Variants in TOR1AIP1 observed in about 807,000 individuals in gnomAD.
The protein encoded by TOR1AIP1 is torsin 1A interacting protein 1, also known as torsin-1A-interacting protein 1.
In TOR1AIP1, 54 loss-of-function variants were observed where a neutral mutation model predicts 63.3. The observed-to-expected ratio is 0.85, with a 90% CI of 0.69 to 1.07. The LOEUF (loss-of-function observed/expected upper bound fraction) is 1.07. Among genes scored for constraint, TOR1AIP1 ranks in the 50% least tolerant of loss-of-function variants. TOR1AIP1 has a pLI of 0.00. For missense variants in TOR1AIP1, 736 were observed against 715.0 expected, an observed-to-expected ratio of 1.03 and a Z score of -0.33; for synonymous variants, 294 against 273.5, an observed-to-expected ratio of 1.07 and a Z score of -0.74.
At chr1:179,904,233 C>A (rs990784315) in intron 6 of TOR1AIP1, among the ~76,000 whole-genome samples, 2 of 152,136 alleles carry the variant, frequency 1.3e-5, no homozygotes, top group East Asian at 3.8e-4. Context: ...ACTTAAAAAA[C>A]AAACAAAAAA....
chr1:179,918,036 G>C lies in TOR1AIP1; in HGVS notation c.1549G>C (p.Glu517Gln). ...ALVLTVLLEE[E>Q]TLGTSLGLKE... ...AGTCCTGACTGTCTTATTGGAGGAA[G>C]AGACACTTGGAACAAGTCTAGGCCT... is the stretch of plus-strand genomic sequence containing the variant. The change falls in exon 10 of 10, where the codon GAG becomes CAG. Residue 517 changes from glutamate (E) to glutamine (Q), a missense_variant. Physicochemically the swap from Glu to Gln is conservative, Grantham distance 29. This residue lies in a region of TOR1AIP1 where 272 missense variants were observed against 344.1 expected (regional missense o/e 0.79). Coordinates refer to ENST00000606911, the MANE Select transcript of TOR1AIP1 (RefSeq NM_015602.4). 1 of 1,614,256 alleles carries C rather than the reference G, an allele frequency of 6.2e-7. No individual in the cohort carries two copies.
chr1:179,895,630 T>G (rs904401749), intron 3 of TOR1AIP1, among the ~76,000 whole-genome samples: 4 of 151,844 alleles, frequency 2.6e-5, no homozygotes, highest in African/African-American at 9.7e-5. Flanking sequence ...CCGGGCACGG[T>G]GTCTCACACC....
chr1:179,883,153 G>A (rs1477954761), intron 1 of TOR1AIP1, 176 bp downstream of exon 1: 1 of 655,130 alleles, frequency 1.5e-6, no homozygotes, highest in Non-Finnish European at 2.6e-6. Flanking sequence ...GACCCGCAGC[G>A]GGGAAGGAAG....
chr1:179,908,162 C>T lies in TOR1AIP1; in HGVS notation c.838+298C>T, dbSNP rs1422305097. On this transcript the variant is annotated intron_variant, in intron 7 of 9. Coordinates refer to ENST00000606911, the MANE Select transcript of TOR1AIP1 (RefSeq NM_015602.4). ...TGACCTCATGATCCACCTGCCTCGG[C>T]CTCCCAAAGTGCTGGAATTACAGGT... Among the ~76,000 whole-genome samples the T allele has an allele frequency of 2.0e-5, 3 of 152,088 alleles. No individual in the cohort carries two copies. In the East Asian group the frequency reaches 5.8e-4, roughly 29 times the overall value.
intron 3 of TOR1AIP1, among the ~76,000 whole-genome samples, chr1:179,890,987 A>G (rs1648058393): frequency 1.3e-5 from 2 of 152,198 alleles, no homozygotes; most frequent in African/African-American, 4.8e-5. Flanking sequence ...ATATATATCT[A>G]GTCATTGGCT....
At chr1:179,887,967 A>G (rs1370602055) in intron 2 of TOR1AIP1, 1 of 152,174 alleles carries the variant, frequency 6.6e-6, no homozygotes, top group Non-Finnish European at 1.5e-5. Context: ...AGGGTACTTG[A>G]TATTTTGTTC....
At chr1:179,900,340 C>CTGGGCTGTCTG (rs1463171817) in intron 4 of TOR1AIP1, 173 bp downstream of exon 4, 5 of 471,260 alleles carry the variant, frequency 1.1e-5, no homozygotes, top group Non-Finnish European at 1.6e-5. Context: ...TCCAGGAGTT[C>CTGGGCTGTCTG]TGGGCTGTCT....
At chr1:179,902,230 T>A (rs1233475196) in intron 5 of TOR1AIP1, among the ~76,000 whole-genome samples, 1 of 151,888 alleles carries the variant, frequency 6.6e-6, no homozygotes, top group Non-Finnish European at 1.5e-5. Context: ...TTCACCATGT[T>A]GGCCAGGCTG....
In TOR1AIP1 at chr1:179,915,733, G is replaced by T. The variant is rs965420868; in HGVS notation, c.964+1679G>T. ...AGATCGCACCACTTCATGTCATCCTGGGCCACAGAGCGAGACTCCATCTCA... is the reference window on the plus strand; with the variant it reads ...AGATCGCACCACTTCATGTCATCCTTGGCCACAGAGCGAGACTCCATCTCA... On this transcript the variant is annotated intron_variant, in intron 9 of 9. Coordinates refer to ENST00000606911, the MANE Select transcript of TOR1AIP1 (RefSeq NM_015602.4). 7.2e-5 allele frequency among the ~76,000 whole-genome samples: 11 copies of T among 152,220 alleles called. No individual in the cohort carries two copies. In the South Asian group the frequency reaches 1.5e-3, roughly 20 times the overall value.
chr1:179,918,385 C>G lies in TOR1AIP1; in HGVS notation c.*146C>G. On this transcript the variant is annotated 3_prime_UTR_variant, in exon 10 of 10. Transcript: ENST00000606911. ...TTACATAAACATGGAACATATAAATCATTCATTCAACCTAATTATCTGTGA... is the reference window on the plus strand; with the variant it reads ...TTACATAAACATGGAACATATAAATGATTCATTCAACCTAATTATCTGTGA... 1.4e-6 allele frequency: 1 copy of G among 726,022 alleles called. No individual in the cohort carries two copies. Among genetic ancestry groups the G allele is most frequent in the Non-Finnish European group, 2.2e-6 (1 of 456,176 alleles). The allele number at this position is 726,022 out of a possible 1,614,324, so 45.0% of individuals were successfully genotyped here.
intron 8 of TOR1AIP1, among the ~76,000 whole-genome samples, chr1:179,912,002 C>G: frequency 7.8e-6 from 1 of 128,004 alleles, no homozygotes; most frequent in East Asian, 2.2e-4. Flanking sequence ...TTTCTTTTTT[C>G]TTTTTTTTCT....
chr1:179,917,954 T>C lies in TOR1AIP1; in HGVS notation c.1467T>C (p.Thr489=), dbSNP rs757954849. The C allele has an allele frequency of 1.5e-5, 25 of 1,614,128 alleles. No homozygotes were observed. Among genetic ancestry groups the C allele is most frequent in the Non-Finnish European group, 5.9e-6 (7 of 1,180,056 alleles). Residue 489 remains threonine (T), a synonymous_variant, in exon 10 of 10, where the codon ACT becomes ACC. Coordinates refer to ENST00000606911, the MANE Select transcript of TOR1AIP1 (RefSeq NM_015602.4). ...HRFESFPAGS[T]LIFYKYCDHE... ...TTGAGTCATTTCCCGCAGGCTCTAC[T>C]TTGATCTTCTACAAATATTGTGACC...
At chr1:179,907,051 T>C (rs1648659764) in intron 6 of TOR1AIP1, among the ~76,000 whole-genome samples, 1 of 151,568 alleles carries the variant, frequency 6.6e-6, no homozygotes, top group Admixed American at 6.6e-5. Context: ...TTCCCTTATT[T>C]ATAAAATACG....
In TOR1AIP1 at chr1:179,918,660, T is replaced by C. The variant is rs1362574610; in HGVS notation, c.*421T>C. The C allele has an allele frequency of 1.2e-5, 2 of 164,952 alleles. No homozygotes were observed. Among genetic ancestry groups the C allele is most frequent in the Non-Finnish European group, 2.6e-5 (2 of 75,806 alleles). 10.2% of individuals were successfully genotyped at this position (164,952 alleles called of 1,614,324 possible). ...AATGTAACCAGGGATTTTCCCATTA[T>C]GTTCCCTTTTATACCATTTAGGTGT... is the stretch of plus-strand genomic sequence containing the variant. On this transcript the variant is annotated 3_prime_UTR_variant, in exon 10 of 10. Transcript: ENST00000606911.
At chr1:179,912,639 G>T (rs1394859185) in intron 8 of TOR1AIP1, among the ~76,000 whole-genome samples, 1 of 152,044 alleles carries the variant, frequency 6.6e-6, no homozygotes, top group Non-Finnish European at 1.5e-5. Flanking sequence ...ATGTGGTTAG[G>T]TATTTTTATT....
Position 179,918,352 on chromosome 1 carries a change from T to C in TOR1AIP1, c.*113T>C. 1 of 954,256 alleles carries C rather than the reference T, an allele frequency of 1.0e-6. No individual in the cohort carries two copies. Among genetic ancestry groups the C allele is most frequent in the Non-Finnish European group, 1.5e-6 (1 of 659,638 alleles). The allele number at this position is 954,256 out of a possible 1,614,324, so 59.1% of individuals were successfully genotyped here. On this transcript the variant is annotated 3_prime_UTR_variant, in exon 10 of 10. Coordinates refer to ENST00000606911, the MANE Select transcript of TOR1AIP1 (RefSeq NM_015602.4). Reference sequence around the variant, plus strand: ...AAGAACTAGTTTCTTTTTAAAGAAGTTAAGTGCTTACATAAACATGGAACA... The same window carrying C: ...AAGAACTAGTTTCTTTTTAAAGAAGCTAAGTGCTTACATAAACATGGAACA...
chr1:179,890,307 G>A (rs1265903538), intron 3 of TOR1AIP1, among the ~76,000 whole-genome samples: 3 of 151,976 alleles, frequency 2.0e-5, no homozygotes, highest in Admixed American at 2.0e-4. Flanking sequence ...GGCTCTTAAA[G>A]ATGCTTTATC....
rs1440466625 is a variant in TOR1AIP1 at position 179,882,680 on chromosome 1, T to C, written c.178T>C (p.Ser60Pro). Reference sequence around the variant, plus strand: ...CCAGGGCCGGCGGGAAGTGAGGTTCTCGGACGAGCCGCCAGAAGTGTACGG... The same window carrying C: ...CCAGGGCCGGCGGGAAGTGAGGTTCCCGGACGAGCCGCCAGAAGTGTACGG... ...SRQGRREVRF[S>P]DEPPEVYGDF... Residue 60 changes from serine to proline, a missense_variant, in exon 1 of 10, where the codon TCG becomes CCG. Coordinates refer to ENST00000606911, the MANE Select transcript of TOR1AIP1 (RefSeq NM_015602.4). The C allele has an allele frequency of 2.5e-6, 4 of 1,602,642 alleles. No homozygotes were observed. Among genetic ancestry groups the C allele is most frequent in the African/African-American group, 1.3e-5 (1 of 74,420 alleles).
intron 6 of TOR1AIP1, among the ~76,000 whole-genome samples, chr1:179,906,492 G>A (rs1474762482): frequency 6.6e-6 from 1 of 152,000 alleles, no homozygotes; most frequent in Admixed American, 6.6e-5. Flanking sequence ...TGTTATAATT[G>A]TAATGTCATT....
Sources: gnomAD v4.1 joint callset for allele counts (sites outside exome capture counted in the v4.1 genomes callset) on GRCh38, gnomAD v4.1.1 for gene constraint, gnomAD v4.1.1 regional missense constraint, MANE v1.5 for transcripts, NCBI Gene and HGNC (gene_info 2026-07-23, HGNC 2026-07-21) for gene names.